TMEM260: variants seen among roughly 807,000 people sequenced by gnomAD.
TMEM260 encodes transmembrane protein 260.
A neutral mutation model predicts 88.9 loss-of-function variants in TMEM260; 82 were observed. The ratio of observed to expected loss-of-function variants is 0.92; its 90% CI spans 0.77 to 1.11. The LOEUF (loss-of-function observed/expected upper bound fraction) is 1.11, where lower values mean the gene tolerates loss of function less well. TMEM260 is among the 50% of genes least tolerant of loss of function. TMEM260 has a pLI of 0.00. For synonymous variants in TMEM260, 314 were observed against 309.3 expected (o/e 1.02, Z -0.16); for missense variants, 902 against 853.4 (o/e 1.06, Z -0.71).
chr14:56,585,142 T>C lies in TMEM260; in HGVS notation c.192+110T>C, dbSNP rs1885409683. 22 of 986,990 alleles carry C rather than the reference T, an allele frequency of 2.2e-5. No individual in the cohort carries two copies. The South Asian group carries it at 3.5e-4, about 16-fold the overall frequency. The allele number at this position is 986,990 out of a possible 1,614,324, so 61.1% of individuals were successfully genotyped here. Reference sequence around the variant, plus strand: ...AGATTAATTTATTTTCAAACCCCCGTTTTTAGTAACTTATAAGTACAGTAC... The same window carrying C: ...AGATTAATTTATTTTCAAACCCCCGCTTTTAGTAACTTATAAGTACAGTAC... On this transcript the variant is annotated intron_variant, in intron 2 of 15. Transcript: ENST00000261556.
At chr14:56,642,810 A>G (rs1889695479) in intron 15 of TMEM260, among the ~76,000 whole-genome samples, 2 of 152,236 alleles carry the variant, frequency 1.3e-5, no homozygotes, top group African/African-American at 2.4e-5. Flanking sequence ...AGATGCAATA[A>G]AAAATGACAA....
intron 3 of TMEM260, among the ~76,000 whole-genome samples, chr14:56,596,740 G>T (rs1886258397): frequency 7.4e-6 from 1 of 134,786 alleles, no homozygotes; most frequent in South Asian, 2.3e-4. Flanking sequence ...TCCAGCCTGG[G>T]CAATGAACAA....
chr14:56,598,794 G>A (rs147922689), intron 3 of TMEM260, among the ~76,000 whole-genome samples: 10 of 152,294 alleles, frequency 6.6e-5, no homozygotes, highest in African/African-American at 2.4e-4. Context: ...TGAAGCCATG[G>A]CACTGGGCCA....
downstream of TMEM260, among the ~76,000 whole-genome samples, chr14:56,653,606 C>T (rs1325042512): frequency 6.6e-6 from 1 of 151,518 alleles, no homozygotes; most frequent in Non-Finnish European, 1.5e-5. Context: ...AGGTGGTGCG[C>T]ACCTTTAATC....
chr14:56,640,863 T>G (rs1889535972), intron 15 of TMEM260, among the ~76,000 whole-genome samples: 1 of 152,100 alleles, frequency 6.6e-6, no homozygotes, highest in African/African-American at 2.4e-5. Context: ...CAAGCCTCAG[T>G]AGCCAATGCG....
At chr14:56,660,284 T>C in the TMEM260 span, among the ~76,000 whole-genome samples, 13 of 152,234 alleles carry the variant, frequency 8.5e-5, no homozygotes, top group Non-Finnish European at 1.8e-4. Flanking sequence ...ATAGGAGGTG[T>C]AGATTTATAA....
At chr14:56,604,345 AG>A (rs1188776573) in intron 4 of TMEM260, among the ~76,000 whole-genome samples, 1 of 152,186 alleles carries the variant, frequency 6.6e-6, no homozygotes, top group Non-Finnish European at 1.5e-5. Context: ...CCCTTAAATT[AG>A]GATGCATTGA....
chr14:56,609,011 A>T, intron 5 of TMEM260, 95 bp from the exon 6 acceptor site: 1 of 1,288,402 alleles, frequency 7.8e-7, no homozygotes, highest in South Asian at 1.4e-5. Flanking sequence ...GCTCTGAGTA[A>T]ACATATTTGA....
chr14:56,582,032 G>A (rs192632613), intron 1 of TMEM260, among the ~76,000 whole-genome samples: 11 of 152,206 alleles, frequency 7.2e-5, no homozygotes, highest in South Asian at 2.1e-4. Flanking sequence ...GTTAAATAGT[G>A]GTTGCTTCTA....
At chr14:56,638,214 A>G (rs768224615) in intron 15 of TMEM260, 4 of 151,604 alleles carry the variant, frequency 2.6e-5, no homozygotes, top group African/African-American at 4.9e-5. Context: ...AGAAGGCAGC[A>G]TGCTGGAGTT....
chr14:56,627,428 G>A (rs565702914), intron 12 of TMEM260, among the ~76,000 whole-genome samples: 1 of 151,982 alleles, frequency 6.6e-6, no homozygotes, highest in Non-Finnish European at 1.5e-5. Flanking sequence ...TACAAACTTT[G>A]TAAATACATG....
At chr14:56,640,072 G>A (rs1335624699) in intron 15 of TMEM260, among the ~76,000 whole-genome samples, 1 of 152,232 alleles carries the variant, frequency 6.6e-6, no homozygotes, top group Non-Finnish European at 1.5e-5. Context: ...TGTTGGGGCA[G>A]GGCACAGACA....
rs1171032893 is a variant in TMEM260, at chr14:56,603,805, G to A, written c.345-10G>A. The A allele has an allele frequency of 1.2e-6, 2 of 1,613,668 alleles. No homozygotes were observed. The highest frequency in any genetic ancestry group is 1.7e-6 in the Non-Finnish European group (2 of 1,179,652). On this transcript the variant is annotated splice_polypyrimidine_tract_variant and intron_variant, in intron 3 of 15. Transcript: ENST00000261556. ...TGGAAAAGAAGATTTCATGTTATCT[G>A]TGTTTGCAGGCTTTCTGGCTCATCT...
intron 3 of TMEM260, among the ~76,000 whole-genome samples, chr14:56,590,624 A>C (rs565603560): frequency 1.3e-5 from 2 of 152,316 alleles, no homozygotes; most frequent in African/African-American, 4.8e-5. Flanking sequence ...TCTATTGTTC[A>C]CTTTCCTAAG....
At chr14:56,606,139 G>A in intron 5 of TMEM260, among the ~76,000 whole-genome samples, 1 of 151,854 alleles carries the variant, frequency 6.6e-6, no homozygotes, top group Non-Finnish European at 1.5e-5. Context: ...TAAAATCTCT[G>A]GTAACAGTAT....
At chr14:56,636,395 CA>C in intron 14 of TMEM260, 112 bp from the exon 15 acceptor site, 1 of 784,634 alleles carries the variant, frequency 1.3e-6, no homozygotes, top group Non-Finnish European at 2.1e-6. Flanking sequence ...GAAAATAATA[CA>C]ATAAAGGATT....
At position 56,634,942 on chromosome 14, in the gene TMEM260, T is replaced by C. The variant is rs753103813; in HGVS notation, c.1768T>C (p.Trp590Arg). The change falls in exon 14 of 16, where the codon TGG becomes CGG. Residue 590 changes from tryptophan to arginine, a missense_variant. Physicochemically the swap from Trp to Arg is moderately radical, Grantham distance 101. Transcript: ENST00000261556. ...SWESVANEEMWQARMKTPFFI... is the reference protein window; with the variant it reads ...SWESVANEEMRQARMKTPFFI... ...GGAATCTGTGGCCAATGAAGAAATG[T>C]GGCAAGCGAGGTGACTATTCTACAT... 6.2e-7 allele frequency: 1 copy of C among 1,614,120 alleles called. No individual in the cohort carries two copies. Among genetic ancestry groups the C allele is most frequent in the Non-Finnish European group, 8.5e-7 (1 of 1,179,984 alleles).
At position 56,636,732 on chromosome 14, in the gene TMEM260, A is replaced by G. The variant is rs971818480; in HGVS notation, c.1869+134A>G. 6 of 750,276 alleles carry G rather than the reference A, an allele frequency of 8.0e-6. No homozygotes were observed. The African/African-American group carries it at 8.8e-5, about 11-fold the overall frequency. 46.5% of individuals were successfully genotyped at this position (750,276 alleles called of 1,614,324 possible). On this transcript the variant is annotated intron_variant, in intron 15 of 15. Coordinates refer to ENST00000261556, the MANE Select transcript of TMEM260 (RefSeq NM_017799.4). ...TCTCTCAATTTGGGTGGTATAAAGCAGCACATATGAACAAATCCTCAGTTG... is the reference window on the plus strand; with the variant it reads ...TCTCTCAATTTGGGTGGTATAAAGCGGCACATATGAACAAATCCTCAGTTG...
intron 6 of TMEM260, among the ~76,000 whole-genome samples, chr14:56,610,304 G>A (rs886638685): frequency 6.6e-6 from 1 of 151,978 alleles, no homozygotes; most frequent in Non-Finnish European, 1.5e-5. Flanking sequence ...GCAGTGGCGC[G>A]ATCTCAGCTC....
Sources: allele counts gnomAD v4.1 joint callset (sites outside exome capture counted in the v4.1 genomes callset), GRCh38; gene constraint gnomAD v4.1.1; transcripts MANE v1.5; gene names NCBI Gene and HGNC (gene_info 2026-07-23, HGNC 2026-07-21).